Variants in SQOR observed in about 807,000 individuals in gnomAD.
SQOR encodes the protein sulfide:quinone oxidoreductase, mitochondrial.
A neutral mutation model predicts 48.6 loss-of-function variants in SQOR; 39 were observed. That is an observed-to-expected ratio of 0.80 (90% CI 0.62 to 1.05). The LOEUF (loss-of-function observed/expected upper bound fraction) is 1.05, where lower values mean the gene tolerates loss of function less well. SQOR is among the 50% of genes least tolerant of loss of function. The pLI is 0.00. For synonymous variants in SQOR, 220 were observed against 206.2 expected, an observed-to-expected ratio of 1.07 and a Z score of -0.57; for missense variants, 561 against 559.9, an observed-to-expected ratio of 1.00 and a Z score of -0.02.
intron 1 of SQOR, among the ~76,000 whole-genome samples, chr15:45,641,954 C>T (rs192463492): frequency 6.6e-6 from 1 of 152,298 alleles, no homozygotes; most frequent in Admixed American, 6.5e-5. Flanking sequence ...CATTCAGACC[C>T]CACCCTCACT....
upstream of SQOR, among the ~76,000 whole-genome samples, chr15:45,632,824 C>A (rs1894921348): frequency 6.6e-6 from 1 of 151,982 alleles, no homozygotes; most frequent in African/African-American, 2.4e-5. Flanking sequence ...ACTGTCCTGG[C>A]CAGTCATGGT....
Position 45,661,975 on chromosome 15 carries a change from C to T in SQOR, c.255C>T (p.Ile85=), listed in dbSNP as rs1595577301. 1.2e-6 allele frequency: 2 copies of T among 1,614,078 alleles called. No individual in the cohort carries two copies. Among genetic ancestry groups the T allele is most frequent in the Non-Finnish European group, 1.7e-6 (2 of 1,179,986 alleles). The change falls in exon 3 of 10, where the codon ATC becomes ATT. Residue 85 remains isoleucine (I), a synonymous_variant. Transcript: ENST00000260324. ...EPSERHFYQP[I]WTLVGAGAKQ... ...CTCAGAGACATTTCTACCAGCCAAT[C>T]TGGACACTGGTGGGTGCTGGTGCCA...
chr15:45,686,311 C>G (rs991068182), intron 7 of SQOR, among the ~76,000 whole-genome samples: 3 of 152,090 alleles, frequency 2.0e-5, no homozygotes, highest in Admixed American at 1.3e-4. Flanking sequence ...GCCACCACGC[C>G]TGGCTAATTT....
intron 9 of SQOR, 179 bp downstream of exon 9, chr15:45,689,396 A>G: frequency 1.9e-6 from 1 of 513,102 alleles, no homozygotes; most frequent in Non-Finnish European, 3.3e-6. Context: ...CATACCAAGT[A>G]CTCTATCATC....
intron 9 of SQOR, 49 bp from the exon 10 acceptor site, chr15:45,690,924 G>A (rs370965706): frequency 1.9e-5 from 30 of 1,539,854 alleles, no homozygotes; most frequent in Admixed American, 1.2e-4. Context: ...GACTGAAGTC[G>A]CCCCATCTCT....
chr15:45,682,830 C>A (rs1311223244), intron 7 of SQOR, among the ~76,000 whole-genome samples, 169 bp downstream of exon 7: 2 of 152,122 alleles, frequency 1.3e-5, no homozygotes, highest in East Asian at 1.9e-4. Context: ...GAGTTTGAGA[C>A]CAGCCTGGCC....
intron 7 of SQOR, among the ~76,000 whole-genome samples, chr15:45,683,026 C>CAAAAAAAAAAAAAAAAAAAAAAA (rs34072446): frequency 2.5e-5 from 3 of 119,892 alleles, no homozygotes; most frequent in African/African-American, 1.0e-4. Context: ...GGCTTCATCT[C>CAAAAAAAAAAAAAAAAAAAAAAA]AAAAAAAAAA....
chr15:45,651,337 T>C (rs1212059028), intron 1 of SQOR, among the ~76,000 whole-genome samples: 1 of 152,056 alleles, frequency 6.6e-6, no homozygotes, highest in African/African-American at 2.4e-5. Flanking sequence ...CCAGAACTCG[T>C]GCTGGCCCGC....
At chr15:45,659,382 T>C (rs892874683) in intron 2 of SQOR, among the ~76,000 whole-genome samples, 2 of 151,602 alleles carry the variant, frequency 1.3e-5, no homozygotes, top group Non-Finnish European at 2.9e-5. Flanking sequence ...AGTGTTCTCC[T>C]CTGTATTAGT....
Position 45,662,003 on chromosome 15 carries a change from C to T in SQOR, c.283C>T (p.Gln95Ter), listed in dbSNP as rs759497232. The T allele has an allele frequency of 6.2e-7, 1 of 1,614,212 alleles. No individual in the cohort carries two copies. The highest frequency in any genetic ancestry group is 8.5e-7 in the Non-Finnish European group (1 of 1,180,032). The change falls in exon 3 of 10, where the codon CAA becomes TAA. Residue 95 changes from glutamine to a stop codon, truncating the protein, a stop_gained. Coordinates refer to ENST00000260324, the MANE Select transcript of SQOR (RefSeq NM_021199.4). LOFTEE classifies it high-confidence loss of function. ...GACACTGGTGGGTGCTGGTGCCAAA[C>T]AATTGTCCTCATCTGGTCGTCCCAC... ...IWTLVGAGAK[Q>*]LSSSGRPTAS...
At chr15:45,666,789 TCTCTCCCCTCCCCTC>T (rs1889827511) in intron 3 of SQOR, among the ~76,000 whole-genome samples, 1 of 6,640 alleles carries the variant, frequency 1.5e-4, no homozygotes, top group Non-Finnish European at 3.0e-4. Flanking sequence ...CCCCTCCCCT[TCTCTCCCCTCCCCTC>T]CTCTCCTCTC....
chr15:45,659,745 T>C (rs1399018515), intron 2 of SQOR, among the ~76,000 whole-genome samples: 1 of 152,240 alleles, frequency 6.6e-6, no homozygotes, highest in African/African-American at 2.4e-5. Flanking sequence ...TATTCAAGAA[T>C]GACCTCATCT....
chr15:45,685,114 C>G lies in SQOR; in HGVS notation c.1048+2453C>G, dbSNP rs143978456. Among the ~76,000 whole-genome samples the G allele has an allele frequency of 6.1e-4, 93 of 152,240 alleles. 1 individual carries two copies. The East Asian group carries it at 0.016, about 26-fold the overall frequency. On this transcript the variant is annotated intron_variant, in intron 7 of 9. Coordinates refer to ENST00000260324, the MANE Select transcript of SQOR (RefSeq NM_021199.4). ...CGGTTTTTGCCATTAAGAGTAATGTCTCTAAATTTTTGCCATTAAGAGGAG... is the reference window on the plus strand; with the variant it reads ...CGGTTTTTGCCATTAAGAGTAATGTGTCTAAATTTTTGCCATTAAGAGGAG...
intron 7 of SQOR, among the ~76,000 whole-genome samples, chr15:45,686,144 C>T (rs1198268281): frequency 7.2e-6 from 1 of 138,374 alleles, no homozygotes; most frequent in Non-Finnish European, 1.6e-5. Context: ...CTGTGCTTGG[C>T]CTCATTTAAT....
intron 3 of SQOR, among the ~76,000 whole-genome samples, chr15:45,667,898 T>C (rs538133262): frequency 6.6e-6 from 1 of 151,814 alleles, no homozygotes; most frequent in South Asian, 2.1e-4. Context: ...CTACAGAAGA[T>C]GGAATTTCAA....
At position 45,666,342 on chromosome 15, in the gene SQOR, G is replaced by A. The variant is rs186037604; in HGVS notation, c.406-3586G>A. ...ATGCCTATCTCACTCACTAGATGGAGTTCCTGAAGGGCAGGAAGTGTATCT... is the reference window on the plus strand; with the variant it reads ...ATGCCTATCTCACTCACTAGATGGAATTCCTGAAGGGCAGGAAGTGTATCT... On this transcript the variant is annotated intron_variant, in intron 3 of 9. Transcript: ENST00000260324. Among the ~76,000 whole-genome samples the A allele has an allele frequency of 5.6e-4, 86 of 152,306 alleles. No homozygotes were observed. In the East Asian group the frequency reaches 0.014, roughly 24 times the overall value.
In SQOR at chr15:45,691,168, C is replaced by T; in HGVS notation, c.*138C>T. 1 of 744,430 alleles carries T rather than the reference C, an allele frequency of 1.3e-6. No homozygotes were observed. The highest frequency in any genetic ancestry group is 2.4e-6 in the Non-Finnish European group (1 of 411,534). The allele number at this position is 744,430 out of a possible 1,614,324, so 46.1% of individuals were successfully genotyped here. ...ATGGGTAATGGTGACCAAATGCCTC[C>T]CTTTTCAGTACCTTTGAACAGCAAC... On this transcript the variant is annotated 3_prime_UTR_variant, in exon 10 of 10. Coordinates refer to ENST00000260324, the MANE Select transcript of SQOR (RefSeq NM_021199.4).
chr15:45,688,500 T>A, intron 8 of SQOR, 96 bp downstream of exon 8: 1 of 899,960 alleles, frequency 1.1e-6, no homozygotes, highest in South Asian at 1.8e-5. Context: ...CTGTCTTTTC[T>A]TTTTTTCTGT....
intron 1 of SQOR, among the ~76,000 whole-genome samples, chr15:45,644,035 C>T (rs1029367373): frequency 1.3e-5 from 2 of 152,182 alleles, no homozygotes; most frequent in African/African-American, 2.4e-5. Flanking sequence ...TAACATTCTT[C>T]GGTACTATGT....
Sources: gnomAD v4.1 joint callset for allele counts (sites outside exome capture counted in the v4.1 genomes callset) on GRCh38, gnomAD v4.1.1 for gene constraint, MANE v1.5 for transcripts, NCBI Gene and HGNC (gene_info 2026-07-23, HGNC 2026-07-21) for gene names.